HCN1: variants seen among roughly 807,000 people sequenced by gnomAD.
HCN1 encodes the protein potassium/sodium hyperpolarization-activated cyclic nucleotide-gated channel 1.
Under a neutral mutation model 78.9 loss-of-function variants are expected in HCN1, and 13 were observed. The ratio of observed to expected loss-of-function variants is 0.16; its 90% confidence interval spans 0.11 to 0.26. HCN1 has a LOEUF of 0.26. Ranked by LOEUF, HCN1 falls within the 10% of genes least tolerant of loss-of-function variation. The pLI is 1.00. For synonymous variants in HCN1, 552 were observed against 455.5 expected (o/e 1.21, Z -2.70); for missense variants, 810 against 1,154.3 (o/e 0.70, Z 4.32).
At chr5:45,583,185 T>C (rs1744123822) in intron 2 of HCN1, among the ~76,000 whole-genome samples, 1 of 152,178 alleles carries the variant, frequency 6.6e-6, no homozygotes, top group Non-Finnish European at 1.5e-5. Flanking sequence ...AGCTATTAAT[T>C]ATTGCCTGAA....
intron 4 of HCN1, among the ~76,000 whole-genome samples, chr5:45,394,769 T>A (rs1422258111): frequency 2.0e-5 from 3 of 151,978 alleles, no homozygotes; most frequent in Non-Finnish European, 2.9e-5. Context: ...TGAGCTGAGA[T>A]TGCACCACTG....
chr5:45,609,390 A>G (rs1744788630), intron 2 of HCN1, among the ~76,000 whole-genome samples: 1 of 152,092 alleles, frequency 6.6e-6, no homozygotes, highest in Non-Finnish European at 1.5e-5. Flanking sequence ...ATAAAAACAA[A>G]CAGCAACTCT....
At chr5:45,274,969 T>A (rs571126629) in intron 6 of HCN1, among the ~76,000 whole-genome samples, 1 of 152,326 alleles carries the variant, frequency 6.6e-6, no homozygotes, top group South Asian at 2.1e-4. Context: ...CCAAACATTG[T>A]CATATATTAT....
At chr5:45,408,507 C>A (rs1739968995) in intron 3 of HCN1, among the ~76,000 whole-genome samples, 1 of 152,004 alleles carries the variant, frequency 6.6e-6, no homozygotes, top group Admixed American at 6.6e-5. Context: ...ACCATATAGC[C>A]TAGGTGTGTA....
Position 45,316,995 on chromosome 5 carries a change from T to TATTGAACC in HCN1, c.1378-13157_1378-13156insGGTTCAAT, listed in dbSNP as rs1407449137. ...GTGTAAATGGCCATACTGCCCAAGG[T>TATTGAACC]AACTTATTGATTCAATGCCATCCCC... On this transcript the variant is annotated intron_variant, in intron 5 of 7. Transcript: ENST00000303230. Among the ~76,000 whole-genome samples the TATTGAACC allele has an allele frequency of 3.9e-5, 6 of 152,230 alleles. No homozygotes were observed. In the South Asian group the frequency reaches 1.2e-3, roughly 32 times the overall value.
chr5:45,304,569 G>A (rs760760810), intron 5 of HCN1, among the ~76,000 whole-genome samples: 5 of 151,982 alleles, frequency 3.3e-5, no homozygotes, highest in South Asian at 2.1e-4. Flanking sequence ...CCAGCTACTC[G>A]GGAGGCTGAG....
chr5:45,453,641 G>A (rs897982356), intron 3 of HCN1, among the ~76,000 whole-genome samples: 2 of 152,018 alleles, frequency 1.3e-5, no homozygotes, highest in Non-Finnish European at 2.9e-5. Context: ...TAATCCAAGG[G>A]GAAATATGGA....
intron 5 of HCN1, among the ~76,000 whole-genome samples, chr5:45,306,552 G>T (rs932730191): frequency 6.6e-6 from 1 of 152,022 alleles, no homozygotes; most frequent in Non-Finnish European, 1.5e-5. Flanking sequence ...AGAAAAAATG[G>T]TAATGAGACA....
intron 4 of HCN1, among the ~76,000 whole-genome samples, chr5:45,371,932 TTA>T (rs1331017565): frequency 9.7e-5 from 10 of 103,456 alleles, no homozygotes; most frequent in Admixed American, 1.6e-4. Context: ...ATACATTATA[TTA>T]TATATAATAT....
At chr5:45,589,233 G>A (rs1744305757) in intron 2 of HCN1, among the ~76,000 whole-genome samples, 1 of 152,174 alleles carries the variant, frequency 6.6e-6, no homozygotes, top group South Asian at 2.1e-4. Flanking sequence ...TGAAAGAGAA[G>A]GAGCAATGGG....
intron 2 of HCN1, among the ~76,000 whole-genome samples, chr5:45,631,692 C>T (rs1580008214): frequency 6.6e-6 from 1 of 152,102 alleles, no homozygotes; most frequent in African/African-American, 2.4e-5. Flanking sequence ...TCTATGAAAT[C>T]TTTGTATTAT....
At chr5:45,547,022 C>T (rs1043871878) in intron 2 of HCN1, among the ~76,000 whole-genome samples, 1 of 151,820 alleles carries the variant, frequency 6.6e-6, no homozygotes, top group Non-Finnish European at 1.5e-5. Flanking sequence ...ACCTTTTAAC[C>T]GGTCTCTATG....
At chr5:45,294,014 C>T (rs1745434669) in intron 6 of HCN1, among the ~76,000 whole-genome samples, 1 of 151,920 alleles carries the variant, frequency 6.6e-6, no homozygotes, top group South Asian at 2.1e-4. Flanking sequence ...CTACGGCTGC[C>T]TCTTCTTCCT....
chr5:45,695,737 C>T lies in HCN1; in HGVS notation c.357G>A (p.Ala119=). 6.2e-7 allele frequency: 1 copy of T among 1,612,608 alleles called. No individual in the cohort carries two copies. The highest frequency in any genetic ancestry group is 8.5e-7 in the Non-Finnish European group (1 of 1,179,736). The part of the protein sequence containing the change: ...FSLRMFGSQK[A]VEKEQERVKT... ...TAACCCTTTCCTGCTCCTTTTCCAC[C>T]GCCTTCTGGCTCCCAAACATGCGGA... Residue 119 remains alanine, a synonymous_variant, in exon 1 of 8, where the codon GCG becomes GCA. Transcript: ENST00000303230.
intron 2 of HCN1, among the ~76,000 whole-genome samples, chr5:45,505,344 T>G (rs988277878): frequency 1.3e-5 from 2 of 152,202 alleles, no homozygotes; most frequent in African/African-American, 4.8e-5. Context: ...CCCAGCACCA[T>G]TTATTAAATA....
In HCN1 at chr5:45,260,154, A is replaced by C. The variant is rs1744703379; in HGVS notation, c.*1767T>G. On this transcript the variant is annotated 3_prime_UTR_variant, in exon 8 of 8. Coordinates refer to ENST00000303230, the MANE Select transcript of HCN1 (RefSeq NM_021072.4). Reference sequence around the variant, plus strand: ...CTTTTGTTTTTGTTTTCTGTCCTCAAGTCTATCTGCAGGCCCTGTCCCACA... The same window carrying C: ...CTTTTGTTTTTGTTTTCTGTCCTCACGTCTATCTGCAGGCCCTGTCCCACA... The C allele has an allele frequency of 6.6e-6, 1 of 152,246 alleles. No individual in the cohort carries two copies. Among genetic ancestry groups the C allele is most frequent in the Admixed American group, 6.5e-5 (1 of 15,278 alleles). 9.4% of individuals were successfully genotyped at this position (152,246 alleles called of 1,614,324 possible). A position where few individuals can be genotyped will look rare whatever the true frequency, so the allele number is the denominator to read the frequency against.
intron 2 of HCN1, among the ~76,000 whole-genome samples, chr5:45,548,683 C>T (rs190495445): frequency 8.1e-4 from 123 of 152,018 alleles, no homozygotes; most frequent in Non-Finnish European, 1.3e-3. Flanking sequence ...GGGTATTCAA[C>T]TAGGAAAAGA....
At chr5:45,681,911 G>A (rs748388213) in intron 1 of HCN1, among the ~76,000 whole-genome samples, 1 of 152,128 alleles carries the variant, frequency 6.6e-6, no homozygotes, top group Non-Finnish European at 1.5e-5. Flanking sequence ...TAGATAGAAT[G>A]TTTATGTCTC....
intron 1 of HCN1, among the ~76,000 whole-genome samples, chr5:45,673,009 T>C (rs1426963108): frequency 6.6e-6 from 1 of 151,538 alleles, no homozygotes; most frequent in Non-Finnish European, 1.5e-5. Context: ...CTAATGTCCA[T>C]TCTCTGTTCC....
Sources: gnomAD v4.1 joint callset for allele counts (sites outside exome capture counted in the v4.1 genomes callset) on GRCh38, gnomAD v4.1.1 for gene constraint, MANE v1.5 for transcripts, NCBI Gene and HGNC (gene_info 2026-07-23, HGNC 2026-07-21) for gene names.